Variants in CAMK1D observed in about 807,000 individuals in gnomAD.
CAMK1D encodes calcium/calmodulin-dependent protein kinase type 1D.
A neutral mutation model predicts 47.7 loss-of-function variants in CAMK1D; 9 were observed. The ratio of observed to expected loss-of-function variants is 0.19; its 90% confidence interval spans 0.11 to 0.33. The LOEUF is 0.33. Ranked by LOEUF, CAMK1D falls within the 10% of genes least tolerant of loss-of-function variation. CAMK1D has a pLI of 1.00. For synonymous variants in CAMK1D, 184 were observed against 184.9 expected (o/e 0.99, Z 0.04); for missense variants, 291 against 488.7 (o/e 0.60, Z 3.81).
intron 3 of CAMK1D, among the ~76,000 whole-genome samples, chr10:12,681,955 C>T (rs1832457376): frequency 6.6e-6 from 1 of 152,184 alleles, no homozygotes; most frequent in African/African-American, 2.4e-5. Context: ...TGCGGTGGCT[C>T]ACGCCTGTAA....
At chr10:12,784,613 T>C (rs1002920357) in intron 5 of CAMK1D, among the ~76,000 whole-genome samples, 2 of 152,252 alleles carry the variant, frequency 1.3e-5, no homozygotes, top group Non-Finnish European at 2.9e-5. Flanking sequence ...CATGTGTTCA[T>C]GGAAAGGTAT....
intron 2 of CAMK1D, among the ~76,000 whole-genome samples, chr10:12,595,581 G>A (rs78456801): frequency 0.046 from 6,916 of 151,934 alleles, 182 homozygotes; most frequent in Middle Eastern, 0.082. Flanking sequence ...TTGCATTTGC[G>A]TTTTGTAAGT....
At chr10:12,356,736 A>C (rs1486882585) in intron 1 of CAMK1D, among the ~76,000 whole-genome samples, 1 of 151,916 alleles carries the variant, frequency 6.6e-6, no homozygotes, top group East Asian at 1.9e-4. Context: ...AAAAAAAAAA[A>C]AAAAAAAGAA....
chr10:12,614,840 G>A (rs1358318673), intron 2 of CAMK1D, among the ~76,000 whole-genome samples: 1 of 152,184 alleles, frequency 6.6e-6, no homozygotes, highest in Non-Finnish European at 1.5e-5. Flanking sequence ...GATTCTTTGA[G>A]TACCAGCCAT....
intron 3 of CAMK1D, 49 bp downstream of exon 3, chr10:12,666,859 A>G: frequency 7.0e-7 from 1 of 1,426,770 alleles, no homozygotes; most frequent in Non-Finnish European, 9.9e-7. Context: ...TGCAAACTCC[A>G]ATGTCTAAAG....
At chr10:12,350,060 C>G (rs1837303733) in intron 1 of CAMK1D, 150 bp downstream of exon 1, 6 of 319,296 alleles carry the variant, frequency 1.9e-5, no homozygotes, top group South Asian at 1.2e-4. Context: ...GGAGCCCCCC[C>G]GAGCGCGCCC....
chr10:12,478,452 C>T (rs1045554994), intron 1 of CAMK1D, among the ~76,000 whole-genome samples: 8 of 152,084 alleles, frequency 5.3e-5, no homozygotes, highest in Admixed American at 3.3e-4. Flanking sequence ...CAGACATGTA[C>T]CACCATCCTG....
intron 1 of CAMK1D, among the ~76,000 whole-genome samples, chr10:12,517,770 T>A (rs1198443517): frequency 6.6e-6 from 1 of 152,174 alleles, no homozygotes; most frequent in Non-Finnish European, 1.5e-5. Context: ...GGATCCCATT[T>A]GGTAACAGTT....
chr10:12,550,842 C>T (rs796207081), intron 1 of CAMK1D, among the ~76,000 whole-genome samples: 3 of 152,238 alleles, frequency 2.0e-5, no homozygotes, highest in African/African-American at 7.2e-5. Flanking sequence ...TATAGACAAG[C>T]TTCTCTCGTG....
chr10:12,416,760 T>TA (rs1839862724), intron 1 of CAMK1D, among the ~76,000 whole-genome samples: 1 of 152,264 alleles, frequency 6.6e-6, no homozygotes, highest in African/African-American at 2.4e-5. Flanking sequence ...AGTGAAGTTC[T>TA]GTTTTTCCGG....
intron 3 of CAMK1D, among the ~76,000 whole-genome samples, chr10:12,697,625 C>G (rs1786466561): frequency 6.6e-6 from 1 of 152,218 alleles, no homozygotes; most frequent in Admixed American, 6.5e-5. Flanking sequence ...TCTCAAACTT[C>G]TGACCTCAGG....
intron 2 of CAMK1D, among the ~76,000 whole-genome samples, chr10:12,632,002 C>G (rs1322879340): frequency 6.6e-6 from 1 of 152,144 alleles, no homozygotes; most frequent in Non-Finnish European, 1.5e-5. Flanking sequence ...GCTCTTAACG[C>G]ACCACACCGT....
intron 5 of CAMK1D, among the ~76,000 whole-genome samples, chr10:12,776,847 G>A (rs1369129409): frequency 6.6e-6 from 1 of 152,156 alleles, no homozygotes; most frequent in Non-Finnish European, 1.5e-5. Flanking sequence ...ACCAAATAGA[G>A]GGTGAGAAAA....
At chr10:12,415,487 A>G in intron 1 of CAMK1D, among the ~76,000 whole-genome samples, 1 of 126,734 alleles carries the variant, frequency 7.9e-6, no homozygotes, top group Non-Finnish European at 1.6e-5. Context: ...TTTAGTAGAG[A>G]TGAGGTTTCA....
intron 9 of CAMK1D, 78 bp from the exon 10 acceptor site, chr10:12,825,495 A>G: frequency 7.1e-7 from 1 of 1,400,166 alleles, no homozygotes; most frequent in East Asian, 2.3e-5. Flanking sequence ...GGCTAATGTG[A>G]TAAACAAGAG....
intron 1 of CAMK1D, among the ~76,000 whole-genome samples, chr10:12,535,444 A>C (rs1835939365): frequency 6.6e-6 from 1 of 152,162 alleles, no homozygotes; most frequent in Non-Finnish European, 1.5e-5. Flanking sequence ...TACCCCATTA[A>C]GTGGTGTGTT....
intron 2 of CAMK1D, among the ~76,000 whole-genome samples, chr10:12,555,461 A>G (rs773100673): frequency 6.6e-6 from 1 of 152,240 alleles, no homozygotes; most frequent in Non-Finnish European, 1.5e-5. Context: ...ATTGTCTATT[A>G]GGAACCCAGT....
At chr10:12,563,375 C>T (rs1837006160) in intron 2 of CAMK1D, among the ~76,000 whole-genome samples, 1 of 152,032 alleles carries the variant, frequency 6.6e-6, no homozygotes, top group African/African-American at 2.4e-5. Context: ...GGAAGAAGAA[C>T]AAATTGATTC....
At chr10:12,745,676 C>G (rs1835638881) in intron 3 of CAMK1D, among the ~76,000 whole-genome samples, 1 of 151,342 alleles carries the variant, frequency 6.6e-6, no homozygotes, top group Non-Finnish European at 1.5e-5. Flanking sequence ...GATCTCAGCT[C>G]ACCACAACCT....
Sources: allele counts gnomAD v4.1 joint callset (sites outside exome capture counted in the v4.1 genomes callset), GRCh38; gene constraint gnomAD v4.1.1; transcripts MANE v1.5; gene names NCBI Gene and HGNC (gene_info 2026-07-23, HGNC 2026-07-21).